TAFA1: variants seen among roughly 807,000 people sequenced by gnomAD.
TAFA1 encodes TAFA chemokine like family member 1, also known as chemokine-like protein TAFA-1.
Under a neutral mutation model 18.5 loss-of-function variants are expected in TAFA1, and 4 were observed. The ratio of observed to expected loss-of-function variants is 0.22; its 90% CI spans 0.11 to 0.49. The LOEUF is 0.49. Among genes scored for constraint, TAFA1 ranks in the 20% least tolerant of loss-of-function variants. The probability of loss-of-function intolerance (pLI) is 0.98; values close to 1 mark genes in which losing one functional copy is unlikely to be tolerated. For synonymous variants in TAFA1, 56 were observed against 55.2 expected (o/e 1.01, Z -0.06); for missense variants, 147 against 169.0 (o/e 0.87, Z 0.72).
intron 2 of TAFA1, among the ~76,000 whole-genome samples, chr3:68,120,512 T>C (rs1452760625): frequency 6.6e-6 from 1 of 152,132 alleles, no homozygotes; most frequent in East Asian, 1.9e-4. Flanking sequence ...GCTTCCCAAA[T>C]TGCTGGGATT....
chr3:68,229,518 CT>C (rs917323369), intron 2 of TAFA1, among the ~76,000 whole-genome samples: 1 of 151,626 alleles, frequency 6.6e-6, no homozygotes, highest in African/African-American at 2.4e-5. Flanking sequence ...TTGGAGTGGG[CT>C]TTTTTTTGGC....
intron 3 of TAFA1, among the ~76,000 whole-genome samples, chr3:68,470,585 G>A (rs1024649035): frequency 1.3e-5 from 2 of 152,240 alleles, no homozygotes; most frequent in African/African-American, 4.8e-5. Flanking sequence ...CTCTTGCTAT[G>A]TTTTAGCAAA....
chr3:68,300,778 C>T (rs1330688985), intron 2 of TAFA1, among the ~76,000 whole-genome samples: 1 of 152,108 alleles, frequency 6.6e-6, no homozygotes, highest in Non-Finnish European at 1.5e-5. Context: ...AGTGAGTTCT[C>T]ACAAGATTTG....
At chr3:68,324,893 T>G (rs2106714920) in intron 2 of TAFA1, among the ~76,000 whole-genome samples, 1 of 152,344 alleles carries the variant, frequency 6.6e-6, no homozygotes, top group Admixed American at 6.5e-5. Context: ...GTAGTTTGGC[T>G]CATGTCTGTG....
At chr3:68,471,137 G>T (rs1347000030) in intron 3 of TAFA1, among the ~76,000 whole-genome samples, 1 of 152,238 alleles carries the variant, frequency 6.6e-6, no homozygotes, top group Non-Finnish European at 1.5e-5. Context: ...GTCTGCAGGT[G>T]CACAGAAGTC....
intron 2 of TAFA1, among the ~76,000 whole-genome samples, chr3:68,254,675 T>A (rs2067263923): frequency 6.6e-6 from 1 of 151,962 alleles, no homozygotes; most frequent in Non-Finnish European, 1.5e-5. Flanking sequence ...TAAAGATATA[T>A]AGGAATATTA....
At chr3:68,314,271 C>T (rs191169298) in intron 2 of TAFA1, among the ~76,000 whole-genome samples, 4 of 152,116 alleles carry the variant, frequency 2.6e-5, no homozygotes, top group South Asian at 2.1e-4. Context: ...AAATTAAATT[C>T]GTATTGGAAC....
intron 2 of TAFA1, among the ~76,000 whole-genome samples, chr3:68,306,564 G>T (rs2106663186): frequency 6.6e-6 from 1 of 152,274 alleles, no homozygotes; most frequent in Non-Finnish European, 1.5e-5. Context: ...TGACTGAACA[G>T]TTTCAATTTG....
chr3:68,197,528 A>AT (rs1325838322), intron 2 of TAFA1, among the ~76,000 whole-genome samples: 5 of 151,608 alleles, frequency 3.3e-5, no homozygotes, highest in African/African-American at 1.2e-4. Flanking sequence ...TTTATTCTCC[A>AT]TATCAGTGGC....
intron 2 of TAFA1, among the ~76,000 whole-genome samples, chr3:68,414,538 T>C (rs1324669027): frequency 2.0e-5 from 3 of 152,184 alleles, no homozygotes; most frequent in Non-Finnish European, 4.4e-5. Flanking sequence ...TTAACCCCTC[T>C]GAGCCTCAGC....
intron 2 of TAFA1, among the ~76,000 whole-genome samples, chr3:68,167,457 G>C (rs1450797005): frequency 3.3e-5 from 5 of 151,476 alleles, no homozygotes; most frequent in Non-Finnish European, 7.4e-5. Flanking sequence ...TGCGCCTGTA[G>C]TCCCAGCTAC....
At chr3:68,356,139 A>G (rs2069359480) in intron 2 of TAFA1, among the ~76,000 whole-genome samples, 2 of 151,844 alleles carry the variant, frequency 1.3e-5, no homozygotes, top group Non-Finnish European at 2.9e-5. Flanking sequence ...GAACACCGTC[A>G]TTATAGAGGG....
chr3:68,169,773 T>A (rs1559545633), intron 2 of TAFA1, among the ~76,000 whole-genome samples: 1 of 152,180 alleles, frequency 6.6e-6, no homozygotes, highest in Non-Finnish European at 1.5e-5. Context: ...GAATAGTATA[T>A]GGGTGAGGTA....
Position 68,439,430 on chromosome 3 carries a change from T to TATACATACATAC in TAFA1, c.259+22013_259+22014insCATACATACATA, listed in dbSNP as rs1157647520. Among the ~76,000 whole-genome samples the TATACATACATAC allele has an allele frequency of 5.2e-5, 7 of 134,848 alleles. No individual in the cohort carries two copies. In the East Asian group the frequency reaches 1.5e-3, roughly 29 times the overall value. The allele number at this position is 134,848 out of a possible 152,430, so 88.5% of individuals were successfully genotyped here. A position where few individuals can be genotyped will look rare whatever the true frequency, so the allele number is the denominator to read the frequency against. ...ATACATACATATATATATATATATA[T>TATACATACATAC]ATATATATATATATGAGTTTATCAA... On this transcript the variant is annotated intron_variant, in intron 3 of 4. Transcript: ENST00000478136.
At chr3:68,112,678 T>A in intron 2 of TAFA1, among the ~76,000 whole-genome samples, 1 of 152,104 alleles carries the variant, frequency 6.6e-6, no homozygotes, top group East Asian at 1.9e-4. Flanking sequence ...GAAGAAATAA[T>A]ACATTCATGA....
intron 2 of TAFA1, among the ~76,000 whole-genome samples, chr3:68,315,579 A>C (rs972657364): frequency 6.6e-6 from 1 of 152,160 alleles, no homozygotes; most frequent in Non-Finnish European, 1.5e-5. Context: ...TTCCTTATAT[A>C]GTTCTTTATA....
At chr3:68,295,048 T>C (rs1365443321) in intron 2 of TAFA1, among the ~76,000 whole-genome samples, 1 of 152,148 alleles carries the variant, frequency 6.6e-6, no homozygotes, top group African/African-American at 2.4e-5. Context: ...CTCTCTGTCT[T>C]TGCACAATTC....
At chr3:68,370,953 C>G (rs1409122689) in intron 2 of TAFA1, among the ~76,000 whole-genome samples, 1 of 151,962 alleles carries the variant, frequency 6.6e-6, no homozygotes, top group Admixed American at 6.6e-5. Context: ...CTACATTTAA[C>G]TGTTTTTGAT....
intron 2 of TAFA1, among the ~76,000 whole-genome samples, chr3:68,270,934 T>G (rs548809969): frequency 2.6e-5 from 4 of 152,272 alleles, no homozygotes; most frequent in African/African-American, 7.2e-5. Context: ...ATTGAAGACT[T>G]CTTAAAAACA....
Sources: allele counts gnomAD v4.1 joint callset (sites outside exome capture counted in the v4.1 genomes callset), GRCh38; gene constraint gnomAD v4.1.1; transcripts MANE v1.5; gene names NCBI Gene and HGNC (gene_info 2026-07-23, HGNC 2026-07-21).